Variants in CSMD1 observed in about 807,000 individuals in gnomAD.
CSMD1 encodes the protein CUB and Sushi multiple domains 1.
Under a neutral mutation model 417.5 loss-of-function variants are expected in CSMD1, and 213 were observed. The observed-to-expected ratio is 0.51, with a 90% CI of 0.46 to 0.57. The LOEUF (loss-of-function observed/expected upper bound fraction) is 0.57. Ranked by LOEUF, CSMD1 falls within the 20% of genes least tolerant of loss-of-function variation. The probability of loss-of-function intolerance (pLI) is 0.00; values close to 1 mark genes in which losing one functional copy is unlikely to be tolerated. For missense variants in CSMD1, 6,923 were observed against 4,529.7 expected, an observed-to-expected ratio of 1.53 and a Z score of -15.17; for synonymous variants, 2,862 against 1,736.8, an observed-to-expected ratio of 1.65 and a Z score of -16.11.
At chr8:4,626,552 G>A (rs1802126365) in intron 2 of CSMD1, among the ~76,000 whole-genome samples, 1 of 152,162 alleles carries the variant, frequency 6.6e-6, no homozygotes, top group East Asian at 1.9e-4. Flanking sequence ...GTAAGAAGGA[G>A]ATCAACAAGA....
intron 1 of CSMD1, among the ~76,000 whole-genome samples, chr8:4,985,870 T>C (rs1247901268): frequency 2.0e-5 from 3 of 152,182 alleles, no homozygotes; most frequent in Admixed American, 6.6e-5. Context: ...TTCTATTTTA[T>C]GAAGAAAGGG....
At chr8:3,110,590 T>G (rs1205579675) in intron 42 of CSMD1, among the ~76,000 whole-genome samples, 1 of 152,238 alleles carries the variant, frequency 6.6e-6, no homozygotes, top group Non-Finnish European at 1.5e-5. Context: ...TTAGGATAAA[T>G]TTATTCTTCT....
intron 2 of CSMD1, among the ~76,000 whole-genome samples, chr8:4,619,768 C>A (rs191106925): frequency 6.6e-6 from 1 of 152,172 alleles, no homozygotes; most frequent in East Asian, 1.9e-4. Context: ...GAAAACCAGG[C>A]ATGTCCTCAC....
intron 1 of CSMD1, among the ~76,000 whole-genome samples, chr8:4,721,828 G>T (rs775233770): frequency 6.6e-6 from 1 of 152,114 alleles, no homozygotes; most frequent in Non-Finnish European, 1.5e-5. Context: ...ATGCATGAGT[G>T]GAACATGATT....
At chr8:4,279,635 T>A (rs1317477407) in intron 3 of CSMD1, among the ~76,000 whole-genome samples, 1 of 152,220 alleles carries the variant, frequency 6.6e-6, no homozygotes, top group Admixed American at 6.5e-5. Flanking sequence ...ACTTTGGATG[T>A]GGTAACTCAT....
chr8:3,402,095 T>A (rs764742561), intron 15 of CSMD1, among the ~76,000 whole-genome samples: 10 of 152,102 alleles, frequency 6.6e-5, no homozygotes, highest in African/African-American at 1.2e-4. Flanking sequence ...AACAATCTCA[T>A]TGGGGTTACA....
At chr8:4,761,870 TCTATCTATCTATCTATCTAC>T (rs1471495467) in intron 1 of CSMD1, among the ~76,000 whole-genome samples, 54 of 88,458 alleles carry the variant, frequency 6.1e-4, no homozygotes, top group South Asian at 1.7e-3. Flanking sequence ...TATCTATCTA[TCTATCTATCTATCTATCTAC>T]CTACCTATCT....
intron 25 of CSMD1, among the ~76,000 whole-genome samples, chr8:3,306,839 T>TTTCTGACTAG (rs1442453431): frequency 7.1e-5 from 2 of 28,014 alleles, no homozygotes; most frequent in Non-Finnish European, 1.6e-4. Flanking sequence ...ACTTTAAAAA[T>TTTCTGACTAG]ATTACAGAGC....
At chr8:3,910,342 G>C (rs921865735) in intron 5 of CSMD1, among the ~76,000 whole-genome samples, 1 of 152,134 alleles carries the variant, frequency 6.6e-6, no homozygotes, top group Non-Finnish European at 1.5e-5. Flanking sequence ...ACTGACGACA[G>C]GGTGGCAGGT....
At position 3,837,236 on chromosome 8, in the gene CSMD1, C is replaced by T. The variant is rs189306508; in HGVS notation, c.819-83194G>A. Among the ~76,000 whole-genome samples, 293 of 152,182 alleles carry T rather than the reference C, an allele frequency of 1.9e-3. 4 individuals are homozygous for T. In the South Asian group the frequency reaches 0.02, roughly 11 times the overall value. ...ATTATTCCAGAATAGATGTGCATAG[C>T]TAAAGCTTATTCAACCCTTTGTAAT... is the stretch of plus-strand genomic sequence containing the variant. On this transcript the variant is annotated intron_variant, in intron 5 of 69. Coordinates refer to ENST00000635120, the MANE Select transcript of CSMD1 (RefSeq NM_033225.6).
At chr8:4,512,981 T>C (rs1162129357) in intron 2 of CSMD1, among the ~76,000 whole-genome samples, 1 of 152,110 alleles carries the variant, frequency 6.6e-6, no homozygotes, top group Non-Finnish European at 1.5e-5. Flanking sequence ...AACAGGTCAG[T>C]GATTGCCAGG....
At chr8:4,969,585 T>C (rs962510448) in intron 1 of CSMD1, among the ~76,000 whole-genome samples, 1 of 151,888 alleles carries the variant, frequency 6.6e-6, no homozygotes, top group Non-Finnish European at 1.5e-5. Flanking sequence ...TCTATTTTTA[T>C]CTCAAAAAGC....
intron 20 of CSMD1, among the ~76,000 whole-genome samples, chr8:3,362,614 G>C (rs560459413): frequency 6.6e-5 from 10 of 152,056 alleles, no homozygotes; most frequent in Non-Finnish European, 1.5e-4. Flanking sequence ...ATATGATCCT[G>C]TTATATGAAC....
intron 3 of CSMD1, among the ~76,000 whole-genome samples, chr8:4,379,191 G>T (rs1802943010): frequency 6.6e-6 from 1 of 152,094 alleles, no homozygotes; most frequent in Non-Finnish European, 1.5e-5. Context: ...GTAGTATTCT[G>T]CCCCCAAGTT....
At chr8:4,111,319 G>T (rs1241617248) in intron 3 of CSMD1, among the ~76,000 whole-genome samples, 1 of 152,134 alleles carries the variant, frequency 6.6e-6, no homozygotes, top group Non-Finnish European at 1.5e-5. Context: ...GCTGAAGAAA[G>T]AATCTGCTGT....
intron 23 of CSMD1, among the ~76,000 whole-genome samples, chr8:3,319,453 AAT>A (rs1806000700): frequency 6.6e-6 from 1 of 152,236 alleles, no homozygotes; most frequent in Non-Finnish European, 1.5e-5. Context: ...ATTAAATATT[AAT>A]ATAGAGCCAA....
chr8:4,031,639 G>A (rs73658536), intron 4 of CSMD1, among the ~76,000 whole-genome samples: 8,172 of 151,918 alleles, frequency 0.054, 622 homozygotes, highest in African/African-American at 0.17. Flanking sequence ...GACTTTTCTC[G>A]TATAACATGT....
chr8:3,796,687 G>A (rs1018049999), intron 5 of CSMD1, among the ~76,000 whole-genome samples: 3 of 150,414 alleles, frequency 2.0e-5, no homozygotes, highest in Admixed American at 6.7e-5. Flanking sequence ...TACATTGGAA[G>A]GTTAGAAAAG....
Position 4,330,294 on chromosome 8 carries a change from T to C in CSMD1, c.415+89659A>G, listed in dbSNP as rs770781524. On this transcript the variant is annotated intron_variant, in intron 3 of 69. Transcript: ENST00000635120. ...TACTCTTCTACAAAGTAACACTATA[T>C]TGTCAATTTAATATTTTGGGCTGGG... Among the ~76,000 whole-genome samples the C allele has an allele frequency of 3.2e-4, 48 of 147,786 alleles. 1 individual carries two copies. Among genetic ancestry groups the C allele is most frequent in the Admixed American group, 2.0e-3 (29 of 14,504 alleles).
Sources: gnomAD v4.1 joint callset for allele counts (sites outside exome capture counted in the v4.1 genomes callset) on GRCh38, gnomAD v4.1.1 for gene constraint, MANE v1.5 for transcripts, NCBI Gene and HGNC (gene_info 2026-07-23, HGNC 2026-07-21) for gene names.